TRIM37: variants seen among roughly 807,000 people sequenced by gnomAD.
The protein encoded by TRIM37 is E3 ubiquitin-protein ligase TRIM37.
In TRIM37, 80 loss-of-function variants were observed where a neutral mutation model predicts 129.8. The observed-to-expected ratio is 0.62, with a 90% confidence interval of 0.51 to 0.74. The LOEUF (loss-of-function observed/expected upper bound fraction) is 0.74. Ranked by LOEUF, TRIM37 falls within the 30% of genes least tolerant of loss-of-function variation. The probability of loss-of-function intolerance (pLI) is 0.00; values close to 1 mark genes in which losing one functional copy is unlikely to be tolerated. For missense variants in TRIM37, 1,054 were observed against 1,176.5 expected, an observed-to-expected ratio of 0.90 and a Z score of 1.52; for synonymous variants, 389 against 387.1, an observed-to-expected ratio of 1.00 and a Z score of -0.06.
rs907872332 is a variant in TRIM37, at chr17:59,106,740, C to A, written c.-279G>T. 1.8e-6 allele frequency: 1 copy of A among 569,176 alleles called. No homozygotes were observed. The allele number at this position is 569,176 out of a possible 1,614,324, so 35.3% of individuals were successfully genotyped here. Reference sequence around the variant, plus strand: ...CCCGGCTCAGCCGCCGGCCAGCAGCCGCGCCGGAACCTCGGCCCACGTGAC... The same window carrying A: ...CCCGGCTCAGCCGCCGGCCAGCAGCAGCGCCGGAACCTCGGCCCACGTGAC... On this transcript the variant is annotated 5_prime_UTR_variant, in exon 1 of 24. Transcript: ENST00000262294.
chr17:59,032,531 CAAAAAAAAAAAAA>C (rs35442859), intron 17 of TRIM37, among the ~76,000 whole-genome samples: 2 of 84,770 alleles, frequency 2.4e-5, no homozygotes, highest in Non-Finnish European at 4.4e-5. Context: ...GACTCCGTCT[CAAAAAAAAAAAAA>C]AAAAAAAAAG....
intron 2 of TRIM37, among the ~76,000 whole-genome samples, chr17:59,091,966 C>T (rs1367584427): frequency 6.6e-6 from 1 of 150,598 alleles, no homozygotes; most frequent in Admixed American, 6.7e-5. Flanking sequence ...ATCTAGTTTA[C>T]TACTAAATTT....
In TRIM37 at chr17:59,001,636, T is replaced by C. The variant is rs756943469; in HGVS notation, c.2774A>G (p.His925Arg). Residue 925 changes from histidine to arginine, a missense_variant, in exon 23 of 24, where the codon CAC becomes CGC. His to Arg is a conservative substitution (Grantham distance 29). This residue lies in a region of TRIM37 where 287 missense variants were observed against 274.3 expected (regional missense o/e 1.05). Coordinates refer to ENST00000262294, the MANE Select transcript of TRIM37 (RefSeq NM_015294.6). ...CTGTGTCATGACCATGAAGGAGTCG[T>C]GAAACCCGCCCACACTGGTATGCTC... ...QEEHTSVGGF[H>R]DSFMVMTQPP... 2 of 1,613,942 alleles carry C rather than the reference T, an allele frequency of 1.2e-6. No homozygotes were observed. The highest frequency in any genetic ancestry group is 8.5e-7 in the Non-Finnish European group (1 of 1,180,004).
chr17:59,052,789 T>C (rs191473408), intron 13 of TRIM37, among the ~76,000 whole-genome samples: 43 of 152,186 alleles, frequency 2.8e-4, no homozygotes, highest in African/African-American at 9.4e-4. Context: ...ACCCCGTCTC[T>C]ACTAAAAGTA....
intron 9 of TRIM37, among the ~76,000 whole-genome samples, chr17:59,064,966 G>A (rs865963218): frequency 2.6e-5 from 4 of 151,904 alleles, no homozygotes; most frequent in East Asian, 1.9e-4. Flanking sequence ...CACGAGAATC[G>A]CTTGAACCCC....
intron 19 of TRIM37, among the ~76,000 whole-genome samples, chr17:59,019,555 A>T (rs202141885): frequency 6.6e-6 from 1 of 152,188 alleles, no homozygotes; most frequent in Non-Finnish European, 1.5e-5. Context: ...TAAAAATACA[A>T]AAGTTAGCTG....
intron 1 of TRIM37, 189 bp from the exon 2 acceptor site, chr17:59,104,583 G>A (rs2147707374): frequency 1.3e-6 from 1 of 750,544 alleles, no homozygotes; most frequent in South Asian, 1.4e-5. Flanking sequence ...ACTCCCGTTT[G>A]GTTTCACGAT....
chr17:59,091,210 G>C (rs2044270258), intron 3 of TRIM37, 90 bp downstream of exon 3: 1 of 860,164 alleles, frequency 1.2e-6, no homozygotes, highest in African/African-American at 1.7e-5. Flanking sequence ...GAAATGGGCA[G>C]ACTGCAGGAA....
At chr17:59,008,024 G>A (rs574452756) in intron 22 of TRIM37, among the ~76,000 whole-genome samples, 1 of 152,324 alleles carries the variant, frequency 6.6e-6, no homozygotes, top group East Asian at 1.9e-4. Context: ...GTATATAAGG[G>A]TTTCCTGAGA....
At chr17:58,999,536 T>A in intron 23 of TRIM37, 77 bp from the exon 24 acceptor site, 1 of 1,158,364 alleles carries the variant, frequency 8.6e-7, no homozygotes, top group Non-Finnish European at 1.2e-6. Flanking sequence ...CCCAAGTCTT[T>A]AAATAATCTT....
At chr17:59,055,332 CAAAAAAAAAAAAAA>C (rs34519741) in intron 13 of TRIM37, among the ~76,000 whole-genome samples, 1 of 65,658 alleles carries the variant, frequency 1.5e-5, no homozygotes, top group Non-Finnish European at 2.8e-5. Flanking sequence ...AACTCTGTCT[CAAAAAAAAAAAAAA>C]AAAAAAAAAA....
chr17:58,999,448 T>C lies in TRIM37; in HGVS notation c.2824A>G (p.Ser942Gly). ...CCTATTTGTTCACCATCAGGAAAAC[T>C]GGAATGTGTATCTATGATTAAAAAA... ...TQPPDEDTHS[S>G]FPDGEQIGPE... is the part of the protein sequence containing the mutation. The change falls in exon 24 of 24, where the codon AGT becomes GGT. Residue 942 changes from serine (S) to glycine (G), a missense_variant. Ser to Gly is a moderately conservative substitution (Grantham distance 56, BLOSUM62 0). Transcript: ENST00000262294. The C allele has an allele frequency of 6.2e-7, 1 of 1,612,818 alleles. No homozygotes were observed. Among genetic ancestry groups the C allele is most frequent in the Non-Finnish European group, 8.5e-7 (1 of 1,179,238 alleles).
intron 19 of TRIM37, among the ~76,000 whole-genome samples, chr17:59,023,821 C>T (rs192797262): frequency 6.6e-6 from 1 of 152,168 alleles, no homozygotes; most frequent in Non-Finnish European, 1.5e-5. Context: ...CAATGCAATA[C>T]AAAAAGTAAG....
downstream of TRIM37, chr17:58,979,993 A>G: frequency 6.2e-7 from 1 of 1,613,768 alleles, no homozygotes; most frequent in Non-Finnish European, 8.5e-7. Flanking sequence ...AACATAAGCC[A>G]TATATCTGTG....
intron 22 of TRIM37, among the ~76,000 whole-genome samples, chr17:59,007,852 C>A (rs1406522428): frequency 6.6e-6 from 1 of 152,196 alleles, no homozygotes; most frequent in Non-Finnish European, 1.5e-5. Flanking sequence ...CAAACAACGC[C>A]TTAAAGTCCT....
At chr17:59,087,762 A>G (rs950922979) in intron 4 of TRIM37, among the ~76,000 whole-genome samples, 8 of 152,186 alleles carry the variant, frequency 5.3e-5, no homozygotes, top group African/African-American at 1.9e-4. Context: ...ACCTAATTCA[A>G]GTTATTTTAT....
chr17:59,047,098 A>G (rs1290683642), intron 16 of TRIM37, among the ~76,000 whole-genome samples: 1 of 151,520 alleles, frequency 6.6e-6, no homozygotes, highest in Non-Finnish European at 1.5e-5. Context: ...GCTTGCAGTG[A>G]GCTGAGATCA....
At chr17:59,063,424 C>T (rs534702293) in intron 10 of TRIM37, among the ~76,000 whole-genome samples, 6 of 152,220 alleles carry the variant, frequency 3.9e-5, no homozygotes, top group African/African-American at 1.2e-4. Context: ...ATGATCCACC[C>T]GCCTTGGCCT....
At chr17:59,004,821 A>G (rs1031415681) in intron 22 of TRIM37, among the ~76,000 whole-genome samples, 1 of 152,218 alleles carries the variant, frequency 6.6e-6, no homozygotes, top group Non-Finnish European at 1.5e-5. Context: ...GTGGCCCCAC[A>G]TGGCTTCAGT....
Sources: gnomAD v4.1 joint callset for allele counts (sites outside exome capture counted in the v4.1 genomes callset) on GRCh38, gnomAD v4.1.1 for gene constraint, gnomAD v4.1.1 regional missense constraint, MANE v1.5 for transcripts, NCBI Gene and HGNC (gene_info 2026-07-23, HGNC 2026-07-21) for gene names.